FOXO3: variants seen among roughly 807,000 people sequenced by gnomAD.
FOXO3 encodes the protein forkhead box O3, also known as forkhead box protein O3.
Under a neutral mutation model 41.9 loss-of-function variants are expected in FOXO3, and 4 were observed. The observed-to-expected ratio is 0.10, with a 90% CI of 0.05 to 0.22. The LOEUF is 0.22. Among genes scored for constraint, FOXO3 ranks in the 10% least tolerant of loss-of-function variants. FOXO3 has a pLI of 1.00. For missense variants in FOXO3, 534 were observed against 906.8 expected, an observed-to-expected ratio of 0.59 and a Z score of 5.28; for synonymous variants, 318 against 389.3, an observed-to-expected ratio of 0.82 and a Z score of 2.16.
At chr6:108,625,135 G>C (rs1777775849) in intron 1 of FOXO3, among the ~76,000 whole-genome samples, 1 of 152,178 alleles carries the variant, frequency 6.6e-6, no homozygotes. Context: ...AATGAGTACT[G>C]TGTGCATAGG....
chr6:108,605,432 A>G (rs1221334845), intron 1 of FOXO3, among the ~76,000 whole-genome samples: 2 of 151,800 alleles, frequency 1.3e-5, no homozygotes, highest in African/African-American at 2.4e-5. Context: ...ATTTTTTTTC[A>G]TTTTATTTTT....
At chr6:108,565,331 C>T (rs944452836) in intron 1 of FOXO3, among the ~76,000 whole-genome samples, 4 of 152,138 alleles carry the variant, frequency 2.6e-5, no homozygotes, top group Admixed American at 1.3e-4. Context: ...TCCCTTACCT[C>T]GGGCATTAAA....
At chr6:108,569,987 G>GTTTTTATTTTTT (rs1776049632) in intron 1 of FOXO3, among the ~76,000 whole-genome samples, 1 of 73,246 alleles carries the variant, frequency 1.4e-5, no homozygotes, top group Non-Finnish European at 2.4e-5. Context: ...CCCTTGCGTG[G>GTTTTTATTTTTT]TTTTTTTTTT....
intron 1 of FOXO3, among the ~76,000 whole-genome samples, chr6:108,601,174 AT>A (rs541569794): frequency 1.6e-4 from 23 of 146,818 alleles, no homozygotes; most frequent in East Asian, 2.0e-4. Context: ...TGCCCGGCTA[AT>A]TTTTTTTTTT....
chr6:108,637,634 G>T (rs1039928825), intron 1 of FOXO3, among the ~76,000 whole-genome samples: 18 of 152,064 alleles, frequency 1.2e-4, no homozygotes, highest in Admixed American at 3.3e-4. Flanking sequence ...TTTCCACCAA[G>T]AATTTCCTTA....
intron 1 of FOXO3, among the ~76,000 whole-genome samples, chr6:108,612,151 T>C (rs918115167): frequency 1.3e-4 from 20 of 152,220 alleles, no homozygotes; most frequent in African/African-American, 4.6e-4. Context: ...TTATATGTTT[T>C]AAAATACAAT....
intron 1 of FOXO3, among the ~76,000 whole-genome samples, chr6:108,580,048 T>C (rs949893381): frequency 6.6e-5 from 10 of 152,134 alleles, no homozygotes; most frequent in African/African-American, 2.4e-4. Context: ...TTGGTGTGAA[T>C]GGGTGTGATG....
At chr6:108,674,415 A>T (rs942193359) in intron 2 of FOXO3, among the ~76,000 whole-genome samples, 1 of 152,226 alleles carries the variant, frequency 6.6e-6, no homozygotes, top group Non-Finnish European at 1.5e-5. Context: ...GTGCTGCACG[A>T]GGGAAGATAC....
intron 1 of FOXO3, among the ~76,000 whole-genome samples, chr6:108,611,339 A>G (rs138888907): frequency 6.6e-6 from 1 of 152,236 alleles, no homozygotes; most frequent in East Asian, 1.9e-4. Flanking sequence ...TATGTTCAGG[A>G]CTTTTGGGGA....
intron 1 of FOXO3, among the ~76,000 whole-genome samples, chr6:108,608,512 C>G (rs750670651): frequency 6.9e-4 from 105 of 152,286 alleles, no homozygotes; most frequent in Non-Finnish European, 1.3e-3. Context: ...AACAACTACT[C>G]TTTTCTGGTG....
intron 1 of FOXO3, among the ~76,000 whole-genome samples, chr6:108,597,818 A>G (rs991901606): frequency 6.6e-6 from 1 of 152,198 alleles, no homozygotes; most frequent in Non-Finnish European, 1.5e-5. Flanking sequence ...TCTAATTTGT[A>G]ATAAGCACTT....
intron 1 of FOXO3, chr6:108,617,991 G>T (rs1777562958): frequency 1.7e-6 from 1 of 600,028 alleles, no homozygotes; most frequent in Non-Finnish European, 3.1e-6. Context: ...GAAGAAGCAG[G>T]TTCCCTTCTC....
At chr6:108,673,025 A>G (rs1054136567) in intron 2 of FOXO3, among the ~76,000 whole-genome samples, 1 of 152,234 alleles carries the variant, frequency 6.6e-6, no homozygotes, top group Non-Finnish European at 1.5e-5. Context: ...ACTGTAATTA[A>G]TTGGGGCTTT....
In FOXO3 at chr6:108,664,065, G is replaced by A; in HGVS notation, c.1232G>A (p.Ser411Asn). ...PSPTGGLMQR[S>N]SSFPYTTKGS... is the part of the protein sequence containing the mutation. ...CCCACTGGGGGACTCATGCAGCGGA[G>A]CTCTAGCTTCCCGTATACCACCAAG... The change falls in exon 2 of 3, where the codon AGC (serine) becomes AAC (asparagine). Residue 411 changes from serine to asparagine, a missense_variant. This residue lies in a region of FOXO3 where 185 missense variants were observed against 224.9 expected (regional missense o/e 0.82). Coordinates refer to ENST00000406360, the MANE Select transcript of FOXO3 (RefSeq NM_001455.4). 3.1e-6 allele frequency: 5 copies of A among 1,614,182 alleles called. No homozygotes were observed. The highest frequency in any genetic ancestry group is 4.2e-6 in the Non-Finnish European group (5 of 1,180,038).
intron 1 of FOXO3, among the ~76,000 whole-genome samples, chr6:108,576,879 AT>A (rs1213670012): frequency 1.3e-5 from 2 of 151,646 alleles, no homozygotes; most frequent in African/African-American, 4.9e-5. Flanking sequence ...GCTTTCAAAA[AT>A]TTTTTTTTCA....
intron 1 of FOXO3, among the ~76,000 whole-genome samples, chr6:108,622,014 G>A (rs1056730453): frequency 6.6e-6 from 1 of 152,074 alleles, no homozygotes; most frequent in Admixed American, 6.5e-5. Flanking sequence ...TACTTTGTGA[G>A]GCCAAGGCGG....
chr6:108,650,085 G>T (rs1778506445), intron 1 of FOXO3, among the ~76,000 whole-genome samples: 1 of 152,206 alleles, frequency 6.6e-6, no homozygotes, highest in Non-Finnish European at 1.5e-5. Flanking sequence ...GGAGGACCAA[G>T]TTAAAGAGTT....
At position 108,572,777 on chromosome 6, in the gene FOXO3, G is replaced by A. The variant is rs368615528; in HGVS notation, c.621+10948G>A. Reference sequence around the variant, plus strand: ...TTTATTGAGCCCTTATTATGTGCCCGTTACTCAACTAGGTTTTTTATGTCT... The same window carrying A: ...TTTATTGAGCCCTTATTATGTGCCCATTACTCAACTAGGTTTTTTATGTCT... On this transcript the variant is annotated intron_variant, in intron 1 of 2. Coordinates refer to ENST00000406360, the MANE Select transcript of FOXO3 (RefSeq NM_001455.4). Among the ~76,000 whole-genome samples, 10 of 152,198 alleles carry A rather than the reference G, an allele frequency of 6.6e-5. No homozygotes were observed. The East Asian group carries it at 1.7e-3, about 26-fold the overall frequency.
intron 1 of FOXO3, among the ~76,000 whole-genome samples, chr6:108,578,577 T>C (rs1460756804): frequency 2.0e-5 from 3 of 152,208 alleles, no homozygotes; most frequent in African/African-American, 7.2e-5. Flanking sequence ...ATGTTCACCT[T>C]AGTGCATATA....
Sources: gnomAD v4.1 joint callset for allele counts (sites outside exome capture counted in the v4.1 genomes callset) on GRCh38, gnomAD v4.1.1 for gene constraint, gnomAD v4.1.1 regional missense constraint, MANE v1.5 for transcripts, NCBI Gene and HGNC (gene_info 2026-07-23, HGNC 2026-07-21) for gene names.